AKR1C4: variants seen among roughly 807,000 people sequenced by gnomAD.
AKR1C4 encodes aldo-keto reductase family 1 member C4.
A neutral mutation model predicts 41.0 loss-of-function variants in AKR1C4; 44 were observed. The observed-to-expected ratio is 1.07, with a 90% confidence interval of 0.84 to 1.38. The LOEUF (loss-of-function observed/expected upper bound fraction) is 1.38, where lower values mean the gene tolerates loss of function less well. Among genes scored for constraint, AKR1C4 ranks in the 40% most tolerant of loss-of-function variants. The probability of loss-of-function intolerance (pLI) is 0.00; values close to 1 mark genes in which losing one functional copy is unlikely to be tolerated. For synonymous variants in AKR1C4, 165 were observed against 137.7 expected (o/e 1.20, Z -1.39); for missense variants, 438 against 387.9 (o/e 1.13, Z -1.09).
rs1554797429 is a variant in AKR1C4 at position 5,205,845 on chromosome 10, G to T, written c.447+11G>T. ...TCTGCCACATGGGAGGTGAGTGCTT[G>T]GAGGACAGAGTACAGAAAAGGAAGA... On this transcript the variant is annotated intron_variant, in intron 4 of 8. Transcript: ENST00000263126. The T allele has an allele frequency of 6.2e-7, 1 of 1,609,932 alleles. No homozygotes were observed. The highest frequency in any genetic ancestry group is 1.3e-5 in the African/African-American group (1 of 74,720).
intron 2 of AKR1C4, among the ~76,000 whole-genome samples, chr10:5,201,889 T>C (rs1832404714): frequency 6.6e-6 from 1 of 152,202 alleles, no homozygotes; most frequent in Non-Finnish European, 1.5e-5. Flanking sequence ...TTTATATTAT[T>C]GTTTGCTTTG....
chr10:5,205,015 T>C (rs879983568), intron 3 of AKR1C4, among the ~76,000 whole-genome samples: 37 of 152,178 alleles, frequency 2.4e-4, no homozygotes, highest in Non-Finnish European at 4.7e-4. Context: ...AGTCATGAAT[T>C]TCGGTTGTGC....
intron 8 of AKR1C4, among the ~76,000 whole-genome samples, chr10:5,217,530 C>T (rs1440501138): frequency 3.3e-5 from 5 of 152,206 alleles, no homozygotes; most frequent in Non-Finnish European, 4.4e-5. Flanking sequence ...GAGGCCAAGG[C>T]AGGTGAATCA....
chr10:5,207,322 G>T, intron 5 of AKR1C4: 1 of 291,112 alleles, frequency 3.4e-6, no homozygotes, highest in Non-Finnish European at 6.8e-6. Flanking sequence ...CACACCAAAG[G>T]ATTTAACACT....
In AKR1C4 at chr10:5,213,141, G is replaced by A. The variant is rs782304537; in HGVS notation, c.828G>A (p.Arg276=). The change falls in exon 7 of 9, where the codon CGG becomes CGA. Residue 276 remains arginine (R), a synonymous_variant. Transcript: ENST00000263126. The part of the protein sequence containing the change: ...VVLAKSYNEQ[R]IRENIQVFEF... ...TGGCCAAGAGCTACAATGAGCAGCGGATCAGAGAGAACATCCAGGTGAGGA... is the reference window on the plus strand; with the variant it reads ...TGGCCAAGAGCTACAATGAGCAGCGAATCAGAGAGAACATCCAGGTGAGGA... 8.7e-6 allele frequency: 14 copies of A among 1,613,628 alleles called. No individual in the cohort carries two copies. The highest frequency in any genetic ancestry group is 1.1e-5 in the South Asian group (1 of 91,072).
At position 5,197,059 on chromosome 10, in the gene AKR1C4, C is replaced by T. The variant is rs1022888633; in HGVS notation, c.84+108C>T. ...TGTTTCTGTTACCCTGAGTGACTCA[C>T]GTGGTCTGTCTTACTGGGCTAGAGC... On this transcript the variant is annotated intron_variant, in intron 1 of 8. Coordinates refer to ENST00000263126, the MANE Select transcript of AKR1C4 (RefSeq NM_001818.5). The T allele has an allele frequency of 3.8e-5, 41 of 1,075,144 alleles. No individual in the cohort carries two copies. The East Asian group carries it at 5.2e-4, about 14-fold the overall frequency. 66.6% of individuals were successfully genotyped at this position (1,075,144 alleles called of 1,614,324 possible). A position where few individuals can be genotyped will look rare whatever the true frequency, so the allele number is the denominator to read the frequency against.
chr10:5,207,318 A>G (rs1832505157), intron 5 of AKR1C4: 1 of 280,792 alleles, frequency 3.6e-6, no homozygotes, highest in Non-Finnish European at 7.1e-6. Context: ...TACCCACACC[A>G]AAGGATTTAA....
rs61854755 is a variant in AKR1C4 at position 5,211,171 on chromosome 10, A to G, written c.571-1445A>G. Reference sequence around the variant, plus strand: ...GCCTGTGATGAGAAGGGCTGACACAAAGGTCTCTGACATGCCTTGGAGACA... The same window carrying G: ...GCCTGTGATGAGAAGGGCTGACACAGAGGTCTCTGACATGCCTTGGAGACA... On this transcript the variant is annotated intron_variant, in intron 5 of 8. Transcript: ENST00000263126. 6.8e-3 allele frequency among the ~76,000 whole-genome samples: 1,033 copies of G among 152,270 alleles called. 9 individuals carry two copies. The highest frequency in any genetic ancestry group is 8.2e-3 in the Non-Finnish European group (561 of 68,016).
rs1832388892 is a variant in AKR1C4 at position 5,200,774 on chromosome 10, A to G, written c.252+426A>G. 2.0e-5 allele frequency among the ~76,000 whole-genome samples: 3 copies of G among 152,194 alleles called. No individual in the cohort carries two copies. In the South Asian group the frequency reaches 6.2e-4, roughly 32 times the overall value. ...TCACCTCACTCCCAACCTAACCCACACTGAGTCTTGAAAGTTCATTATATA... is the reference window on the plus strand; with the variant it reads ...TCACCTCACTCCCAACCTAACCCACGCTGAGTCTTGAAAGTTCATTATATA... On this transcript the variant is annotated intron_variant, in intron 2 of 8. Transcript: ENST00000263126.
intron 7 of AKR1C4, among the ~76,000 whole-genome samples, chr10:5,214,623 G>A (rs1447274231): frequency 3.9e-5 from 6 of 152,006 alleles, no homozygotes; most frequent in South Asian, 4.1e-4. Flanking sequence ...TAAGGCATTC[G>A]TGTATGTTTT....
chr10:5,216,673 T>C, intron 7 of AKR1C4, 38 bp from the exon 8 acceptor site: 1 of 1,495,620 alleles, frequency 6.7e-7, no homozygotes, highest in Non-Finnish European at 9.3e-7. Flanking sequence ...TTGACAATTA[T>C]GCAATCTAAG....
At chr10:5,212,488 A>G in intron 5 of AKR1C4, 128 bp from the exon 6 acceptor site, 3 of 886,440 alleles carry the variant, frequency 3.4e-6, no homozygotes, top group Non-Finnish European at 4.9e-6. Flanking sequence ...ATTTTTATAA[A>G]ATGATTGTTA....
chr10:5,200,069 A>C (rs373516209), intron 1 of AKR1C4, 112 bp from the exon 2 acceptor site: 4 of 1,395,940 alleles, frequency 2.9e-6, no homozygotes, highest in South Asian at 1.4e-5. Flanking sequence ...GGGGGCCTGA[A>C]GAAGCGAGCC....
At chr10:5,200,031 T>G in intron 1 of AKR1C4, 150 bp from the exon 2 acceptor site, 3 of 942,056 alleles carry the variant, frequency 3.2e-6, no homozygotes, top group Non-Finnish European at 4.7e-6. Context: ...TGCCCCCATC[T>G]GTATGCTCCC....
At chr10:5,212,520 A>T in intron 5 of AKR1C4, 96 bp from the exon 6 acceptor site, 1 of 1,138,244 alleles carries the variant, frequency 8.8e-7, no homozygotes, top group East Asian at 2.6e-5. Context: ...TATTCTGTTC[A>T]AATTTAATGT....
intron 1 of AKR1C4, among the ~76,000 whole-genome samples, chr10:5,197,337 T>G (rs17134523): frequency 6.6e-6 from 1 of 152,234 alleles, no homozygotes; most frequent in East Asian, 1.9e-4. Flanking sequence ...ATTCTTCTAC[T>G]AGACGTGATC....
chr10:5,211,097 C>A (rs957597511), intron 5 of AKR1C4, among the ~76,000 whole-genome samples: 5 of 152,174 alleles, frequency 3.3e-5, no homozygotes, highest in African/African-American at 9.7e-5. Flanking sequence ...AGACCCTGGG[C>A]CCAGCCCATG....
chr10:5,200,417 A>AAC, intron 2 of AKR1C4, 69 bp downstream of exon 2: 1 of 1,529,186 alleles, frequency 6.5e-7, no homozygotes, highest in South Asian at 1.4e-5. Flanking sequence ...ACAATTCTGT[A>AAC]ACTGGTTCAG....
intron 2 of AKR1C4, among the ~76,000 whole-genome samples, chr10:5,203,963 A>G (rs1313665961): frequency 6.6e-6 from 1 of 152,244 alleles, no homozygotes; most frequent in African/African-American, 2.4e-5. Context: ...ATGAAACAAC[A>G]GATAACAGAA....
Sources: gnomAD v4.1 joint callset for allele counts (sites outside exome capture counted in the v4.1 genomes callset) on GRCh38, gnomAD v4.1.1 for gene constraint, MANE v1.5 for transcripts, NCBI Gene and HGNC (gene_info 2026-07-23, HGNC 2026-07-21) for gene names.